The following TRIP13 variants were observed in gnomAD, a reference collection of about 807,000 sequenced individuals.
TRIP13 encodes the protein thyroid hormone receptor interactor 13.
Under a neutral mutation model 54.4 loss-of-function variants are expected in TRIP13, and 25 were observed. The ratio of observed to expected loss-of-function variants is 0.46; its 90% CI spans 0.33 to 0.64. TRIP13 has a LOEUF of 0.64. Ranked by LOEUF, TRIP13 falls within the 30% of genes least tolerant of loss-of-function variation. The pLI, the probability that TRIP13 is intolerant of heterozygous loss-of-function variation, is 0.02. For synonymous variants in TRIP13, 207 were observed against 207.8 expected (o/e 1.00, Z 0.03); for missense variants, 373 against 534.2 (o/e 0.70, Z 2.97).
At chr5:895,978 T>C (rs1753904907) in intron 2 of TRIP13, among the ~76,000 whole-genome samples, 1 of 152,242 alleles carries the variant, frequency 6.6e-6, no homozygotes, top group African/African-American at 2.4e-5. Flanking sequence ...TATCTACCAA[T>C]GTAAACATTT....
At chr5:918,224 C>G (rs911697912), downstream of TRIP13, 6 of 152,166 alleles carry the variant, frequency 3.9e-5, no homozygotes, top group African/African-American at 1.4e-4. The surrounding 1 kb of genome is among the most constrained non-coding windows in gnomAD (Gnocchi z 4.3). Flanking sequence ...GGAGGTAGAT[C>G]ACCAAGGCCA....
chr5:895,490 C>T (rs1373263735), intron 2 of TRIP13, among the ~76,000 whole-genome samples: 2 of 126,274 alleles, frequency 1.6e-5, no homozygotes, highest in African/African-American at 6.5e-5. Context: ...CTAAGGAAGA[C>T]TTATCACTTA....
In TRIP13 at chr5:913,215, C is replaced by T. The variant is rs1225687246; in HGVS notation, c.1020+1219C>T. On this transcript the variant is annotated intron_variant, in intron 10 of 12. Transcript: ENST00000166345. This position sits in a 1 kb window ranked among gnomAD's most constrained non-coding sequence, Gnocchi z 4.5. ...AAGTCGTGTGTGTTGGAGGTCCTCACGCACCTTCAGTGTGGGTTCCAGCCC... is the reference window on the plus strand; with the variant it reads ...AAGTCGTGTGTGTTGGAGGTCCTCATGCACCTTCAGTGTGGGTTCCAGCCC... 3.9e-5 allele frequency among the ~76,000 whole-genome samples: 6 copies of T among 152,214 alleles called. No individual in the cohort carries two copies. Among genetic ancestry groups the T allele is most frequent in the East Asian group, 1.9e-4 (1 of 5,206 alleles).
rs73020950 is a variant in TRIP13 at position 915,082 on chromosome 5, G to A, written c.1133+505G>A. On this transcript the variant is annotated intron_variant, in intron 11 of 12. Transcript: ENST00000166345. This position sits in a 1 kb window ranked among gnomAD's most constrained non-coding sequence, Gnocchi z 4.2. ...CGGGGGGTGGAATGGACAGAGCCTC[G>A]GGTTTCTGGCCAGAGTTTGAATTTT... Among the ~76,000 whole-genome samples the A allele has an allele frequency of 0.03, 4,614 of 152,188 alleles. 218 individuals are homozygous for A. The highest frequency in any genetic ancestry group is 0.1 in the African/African-American group (4,229 of 41,506).
Position 907,870 on chromosome 5 carries a change from C to CG in TRIP13, c.673-117dup, listed in dbSNP as rs1754148094. On this transcript the variant is annotated intron_variant, in intron 7 of 12. Coordinates refer to ENST00000166345, the MANE Select transcript of TRIP13 (RefSeq NM_004237.4). The surrounding 1 kb of genome is among the most constrained non-coding windows in gnomAD (Gnocchi z 4.1). ...TGATTTAGGGAGCTTTCTGAGGGGCCGTCAGGAGACAGTGGGCTTGTGGGG... is the reference window on the plus strand; with the variant it reads ...TGATTTAGGGAGCTTTCTGAGGGGCCGGTCAGGAGACAGTGGGCTTGTGGGG... 4 of 983,838 alleles carry CG rather than the reference C, an allele frequency of 4.1e-6. No individual in the cohort carries two copies. The Admixed American group carries it at 5.7e-5, about 14-fold the overall frequency. The allele number at this position is 983,838 out of a possible 1,614,324, so 60.9% of individuals were successfully genotyped here.
At position 901,427 on chromosome 5, in the gene TRIP13, C is replaced by T; in HGVS notation, c.531C>T (p.Leu177=). 1 of 1,613,960 alleles carries T rather than the reference C, an allele frequency of 6.2e-7. No individual in the cohort carries two copies. The highest frequency in any genetic ancestry group is 8.5e-7 in the Non-Finnish European group (1 of 1,179,930). ...TCACCTGGAACCGGGTGGTGCTGCTCCACGGTAAATTATGCAGGCTTTTAT... is the reference window on the plus strand; with the variant it reads ...TCACCTGGAACCGGGTGGTGCTGCTTCACGGTAAATTATGCAGGCTTTTAT... ...NLITWNRVVL[L]HGPPGTGKTS... Residue 177 remains leucine (L), a synonymous_variant, in exon 5 of 13, where the codon CTC becomes CTT. Transcript: ENST00000166345.
Position 894,968 on chromosome 5 carries a change from G to A in TRIP13, c.258+16G>A. 1 of 1,592,974 alleles carries A rather than the reference G, an allele frequency of 6.3e-7. No homozygotes were observed. Among genetic ancestry groups the A allele is most frequent in the Non-Finnish European group, 8.5e-7 (1 of 1,172,378 alleles). Reference sequence around the variant, plus strand: ...AGACTCACAGGTAAGTTACTAATTTGCTGGGCCAAGGAACAGTTAGCTGAA... The same window carrying A: ...AGACTCACAGGTAAGTTACTAATTTACTGGGCCAAGGAACAGTTAGCTGAA... On this transcript the variant is annotated intron_variant, in intron 2 of 12. Coordinates refer to ENST00000166345, the MANE Select transcript of TRIP13 (RefSeq NM_004237.4).
At chr5:896,831 G>T in intron 3 of TRIP13, 37 bp downstream of exon 3, 2 of 1,603,034 alleles carry the variant, frequency 1.2e-6, no homozygotes, top group Non-Finnish European at 1.7e-6. Context: ...GGAGGCTGAG[G>T]TCAGAGGATT....
intron 10 of TRIP13, 37 bp from the exon 11 acceptor site, chr5:914,428 T>C (rs1419021780): frequency 9.3e-6 from 14 of 1,509,178 alleles, no homozygotes; most frequent in East Asian, 2.3e-5. Flanking sequence ...CAGGCCTCTG[T>C]GGACTCAGCT....
In TRIP13 at chr5:904,371, G is replaced by A. The variant is rs945108765; in HGVS notation, c.608+151G>A. The A allele has an allele frequency of 6.1e-6, 4 of 650,984 alleles. 1 individual carries two copies. Among genetic ancestry groups the A allele is most frequent in the Non-Finnish European group, 1.0e-5 (4 of 400,728 alleles). The allele number at this position is 650,984 out of a possible 1,614,324, so 40.3% of individuals were successfully genotyped here. ...TCCTCTGTATTCAGCATAGTTTTGA[G>A]TTATGATTTCAGTCTTTTAAGATTT... On this transcript the variant is annotated intron_variant, in intron 6 of 12. Transcript: ENST00000166345.
At chr5:893,499 T>A in intron 1 of TRIP13, 1 of 226,982 alleles carries the variant, frequency 4.4e-6, no homozygotes, top group Non-Finnish European at 8.9e-6. Context: ...GTGGTTATTC[T>A]TTGAGCCACT....
rs1027646088 is a variant in TRIP13 at position 892,921 on chromosome 5, G to A, written c.-78G>A. The A allele has an allele frequency of 1.5e-6, 2 of 1,327,376 alleles. No individual in the cohort carries two copies. The highest frequency in any genetic ancestry group is 3.1e-5 in the African/African-American group (2 of 64,028). The allele number at this position is 1,327,376 out of a possible 1,614,324, so 82.2% of individuals were successfully genotyped here. ...AGGGCGGGGCCCGCGGGCTGAGGCA[G>A]CGGCTGTGGCGGCGACGCTGGGCGT... On this transcript the variant is annotated 5_prime_UTR_variant, in exon 1 of 13. Coordinates refer to ENST00000166345, the MANE Select transcript of TRIP13 (RefSeq NM_004237.4).
At chr5:895,816 T>C (rs1455684181) in intron 2 of TRIP13, among the ~76,000 whole-genome samples, 1 of 152,224 alleles carries the variant, frequency 6.6e-6, no homozygotes. Context: ...ATTTTGTAGA[T>C]CTTTCTGAAC....
In TRIP13 at chr5:893,105, T is replaced by G. The variant is rs1455412274; in HGVS notation, c.92+15T>G. The stretch of plus-strand genomic sequence containing the variant: ...CGCGGCAGCAGGTGAGCCGGACCTG[T>G]CCGACACATCCTCTGGGCACCCACC... On this transcript the variant is annotated intron_variant, in intron 1 of 12. Coordinates refer to ENST00000166345, the MANE Select transcript of TRIP13 (RefSeq NM_004237.4). 2.5e-6 allele frequency: 4 copies of G among 1,575,162 alleles called. No individual in the cohort carries two copies. In the South Asian group the frequency reaches 4.6e-5, roughly 18 times the overall value.
In TRIP13 at chr5:917,687, TAATA is replaced by T. The variant is rs1213730058; in HGVS notation, c.*590_*593del. On this transcript the variant is annotated 3_prime_UTR_variant, in exon 13 of 13. Coordinates refer to ENST00000166345, the MANE Select transcript of TRIP13 (RefSeq NM_004237.4). ...AAATGGTCGGTAAAGTGTTCTTTCATAATAAATAATCAGACATGGTCCCATTTGC... is the reference window on the plus strand; with the variant it reads ...AAATGGTCGGTAAAGTGTTCTTTCATAATAATCAGACATGGTCCCATTTGC... 1 of 152,282 alleles carries T rather than the reference TAATA, an allele frequency of 6.6e-6. No individual in the cohort carries two copies. Among genetic ancestry groups the T allele is most frequent in the Non-Finnish European group, 1.5e-5 (1 of 68,096 alleles). The allele number at this position is 152,282 out of a possible 1,614,324, so 9.4% of individuals were successfully genotyped here.
chr5:911,785 T>C lies in TRIP13; in HGVS notation c.867-58T>C. On this transcript the variant is annotated intron_variant, in intron 9 of 12. Coordinates refer to ENST00000166345, the MANE Select transcript of TRIP13 (RefSeq NM_004237.4). This position sits in a 1 kb window ranked among gnomAD's most constrained non-coding sequence, Gnocchi z 4.7. ...AACCTCCTTGCCAGATAGGGCAGGA[T>C]AGAATTGGGTCACCGACAGCCGTGA... 3 of 1,564,848 alleles carry C rather than the reference T, an allele frequency of 1.9e-6. No individual in the cohort carries two copies. The highest frequency in any genetic ancestry group is 2.6e-6 in the Non-Finnish European group (3 of 1,155,334).
chr5:908,109 A>G lies in TRIP13; in HGVS notation c.759+35A>G. 6.2e-7 allele frequency: 1 copy of G among 1,611,372 alleles called. No individual in the cohort carries two copies. The highest frequency in any genetic ancestry group is 8.5e-7 in the Non-Finnish European group (1 of 1,177,516). On this transcript the variant is annotated intron_variant, in intron 8 of 12. Coordinates refer to ENST00000166345, the MANE Select transcript of TRIP13 (RefSeq NM_004237.4). The surrounding 1 kb of genome is among the most constrained non-coding windows in gnomAD (Gnocchi z 5.2). The stretch of plus-strand genomic sequence containing the variant: ...TCCAGATAAGGAAATTCATGACAGA[A>G]TCGCCTTTTGCCATTGTGGGGACAC...
At position 912,264 on chromosome 5, in the gene TRIP13, T is replaced by G. The variant is rs1457074418; in HGVS notation, c.1020+268T>G. 2.0e-5 allele frequency among the ~76,000 whole-genome samples: 3 copies of G among 152,124 alleles called. No homozygotes were observed. In the East Asian group the frequency reaches 5.8e-4, roughly 29 times the overall value. ...TACCAGTCAGTGTAGGGGACGTCAG[T>G]GACCGGCTGTGTTTACCTGGCTGGC... On this transcript the variant is annotated intron_variant, in intron 10 of 12. Transcript: ENST00000166345. This position sits in a 1 kb window ranked among gnomAD's most constrained non-coding sequence, Gnocchi z 7.2.
At position 908,220 on chromosome 5, in the gene TRIP13, C is replaced by A; in HGVS notation, c.760-135C>A. On this transcript the variant is annotated intron_variant, in intron 8 of 12. Coordinates refer to ENST00000166345, the MANE Select transcript of TRIP13 (RefSeq NM_004237.4). This position sits in a 1 kb window ranked among gnomAD's most constrained non-coding sequence, Gnocchi z 5.2. ...CTGCACTGTGCGCCTTTCCACCTTGCCGCAGCATCCGCAGGCTAGGCACGG... is the reference window on the plus strand; with the variant it reads ...CTGCACTGTGCGCCTTTCCACCTTGACGCAGCATCCGCAGGCTAGGCACGG... 2 of 1,369,012 alleles carry A rather than the reference C, an allele frequency of 1.5e-6. No homozygotes were observed. The highest frequency in any genetic ancestry group is 1.2e-5 in the South Asian group (1 of 81,584). 84.8% of individuals were successfully genotyped at this position (1,369,012 alleles called of 1,614,324 possible).
Sources: gnomAD v4.1 joint callset for allele counts (sites outside exome capture counted in the v4.1 genomes callset) on GRCh38, gnomAD v4.1.1 for gene constraint, Gnocchi (gnomAD v3.1) non-coding constraint, MANE v1.5 for transcripts, NCBI Gene and HGNC (gene_info 2026-07-23, HGNC 2026-07-21) for gene names.